GUCY1B1: variants seen among roughly 807,000 people sequenced by gnomAD.
The protein encoded by GUCY1B1 is guanylate cyclase soluble subunit beta-1.
GUCY1B1 carries 43 observed loss-of-function variants against 71.0 expected under a neutral mutation model. That is an observed-to-expected ratio of 0.61 (90% confidence interval 0.47 to 0.78). The LOEUF (loss-of-function observed/expected upper bound fraction) is 0.78, where lower values mean the gene tolerates loss of function less well. Ranked by LOEUF, GUCY1B1 falls within the 30% of genes least tolerant of loss-of-function variation. The pLI is 0.00. For missense variants in GUCY1B1, 535 were observed against 754.1 expected (o/e 0.71, Z 3.40); for synonymous variants, 266 against 259.7 (o/e 1.02, Z -0.23).
intron 2 of GUCY1B1, among the ~76,000 whole-genome samples, 197 bp downstream of exon 2, chr4:155,760,057 G>A (rs1346626775): frequency 6.6e-6 from 1 of 152,134 alleles, no homozygotes; most frequent in Non-Finnish European, 1.5e-5. Flanking sequence ...GGGCGGCTGG[G>A]GCGGGGCTGC....
intron 4 of GUCY1B1, among the ~76,000 whole-genome samples, chr4:155,784,610 C>T (rs1337185568): frequency 6.6e-6 from 1 of 152,132 alleles, no homozygotes; most frequent in African/African-American, 2.4e-5. Context: ...TTTGCAATGA[C>T]TGGTTTTAAA....
At chr4:155,784,504 A>T (rs1738636417) in intron 4 of GUCY1B1, among the ~76,000 whole-genome samples, 2 of 152,204 alleles carry the variant, frequency 1.3e-5, no homozygotes, top group Admixed American at 1.3e-4. Flanking sequence ...CTCTCATTAA[A>T]GAATGTTGGT....
chr4:155,791,608 A>G (rs1298241326), intron 5 of GUCY1B1, among the ~76,000 whole-genome samples: 4 of 150,956 alleles, frequency 2.6e-5, no homozygotes, highest in Non-Finnish European at 4.4e-5. Context: ...GCGGGCGCCT[A>G]TAATCCCAGC....
intron 4 of GUCY1B1, among the ~76,000 whole-genome samples, chr4:155,787,555 G>T (rs1362394679): frequency 1.3e-5 from 2 of 152,022 alleles, no homozygotes; most frequent in Non-Finnish European, 2.9e-5. Context: ...TTCCTCATTT[G>T]CTCATCAAAA....
Position 155,759,817 on chromosome 4 carries a change from C to T in GUCY1B1, c.34C>T (p.Leu12=). 6.2e-7 allele frequency: 1 copy of T among 1,613,070 alleles called. No homozygotes were observed. The highest frequency in any genetic ancestry group is 8.5e-7 in the Non-Finnish European group (1 of 1,179,374). ...YGFVNHALEL[L]VIRNYGPEVW... is the part of the protein sequence containing the mutation. The stretch of plus-strand genomic sequence containing the variant: ...ATTTGTGAATCACGCCCTGGAGTTG[C>T]TGGTGATCCGCAATTACGGCCCCGA... The change falls in exon 2 of 14, where the codon CTG becomes TTG. Residue 12 remains leucine (L), a synonymous_variant. Transcript: ENST00000264424.
At chr4:155,767,143 A>G (rs1307047045) in intron 2 of GUCY1B1, among the ~76,000 whole-genome samples, 1 of 152,180 alleles carries the variant, frequency 6.6e-6, no homozygotes, top group East Asian at 1.9e-4. Context: ...CTCCAAAGAG[A>G]AAGACCTATA....
intron 2 of GUCY1B1, among the ~76,000 whole-genome samples, chr4:155,764,463 A>C (rs1464961159): frequency 6.6e-6 from 1 of 152,234 alleles, no homozygotes; most frequent in Non-Finnish European, 1.5e-5. Context: ...CTGAAAAGTC[A>C]GAACTTCAGC....
intron 2 of GUCY1B1, among the ~76,000 whole-genome samples, chr4:155,768,013 G>A (rs1737455687): frequency 6.6e-6 from 1 of 152,072 alleles, no homozygotes. Context: ...TACAGCATGT[G>A]TTCTGATAAT....
intron 2 of GUCY1B1, among the ~76,000 whole-genome samples, chr4:155,761,224 A>G (rs1736977779): frequency 6.6e-6 from 1 of 152,232 alleles, no homozygotes; most frequent in Admixed American, 6.5e-5. Context: ...TCTTAATACC[A>G]TTATAATTTT....
At chr4:155,788,542 C>T (rs1445538879) in intron 4 of GUCY1B1, among the ~76,000 whole-genome samples, 1 of 152,212 alleles carries the variant, frequency 6.6e-6, no homozygotes, top group African/African-American at 2.4e-5. Context: ...ACTCAAGGTC[C>T]ATAACCCTCA....
At chr4:155,781,548 G>T (rs1738414492) in intron 4 of GUCY1B1, among the ~76,000 whole-genome samples, 1 of 151,674 alleles carries the variant, frequency 6.6e-6, no homozygotes, top group South Asian at 2.1e-4. Flanking sequence ...ATAGCTAGAA[G>T]TCCTAAATGG....
At chr4:155,791,448 C>T (rs1166755565) in intron 5 of GUCY1B1, among the ~76,000 whole-genome samples, 13 of 144,222 alleles carry the variant, frequency 9.0e-5, no homozygotes, top group Non-Finnish European at 2.0e-4. Flanking sequence ...CTAACAGTAT[C>T]GCCTGGGCGC....
chr4:155,786,765 G>C (rs972440638), intron 4 of GUCY1B1, among the ~76,000 whole-genome samples: 6 of 151,536 alleles, frequency 4.0e-5, no homozygotes, highest in Non-Finnish European at 7.4e-5. Context: ...GAGGCACCGC[G>C]CCTGGCCAAT....
intron 12 of GUCY1B1, 33 bp from the exon 13 acceptor site, chr4:155,805,070 T>C (rs1177522846): frequency 6.3e-7 from 1 of 1,591,842 alleles, no homozygotes; most frequent in Non-Finnish European, 8.6e-7. Flanking sequence ...TTGTGTATAC[T>C]TCTCTCTCTA....
At chr4:155,788,884 A>G (rs1029933731) in intron 4 of GUCY1B1, among the ~76,000 whole-genome samples, 2 of 152,118 alleles carry the variant, frequency 1.3e-5, no homozygotes, top group Non-Finnish European at 2.9e-5. Context: ...CCAACATGTT[A>G]TGAACTGAGT....
chr4:155,763,943 A>C (rs1737166753), intron 2 of GUCY1B1, among the ~76,000 whole-genome samples: 1 of 152,104 alleles, frequency 6.6e-6, no homozygotes, highest in Admixed American at 6.5e-5. Flanking sequence ...CCGTTCCCCA[A>C]TTTACTTGAA....
chr4:155,787,704 T>A (rs2111096112), intron 4 of GUCY1B1, among the ~76,000 whole-genome samples: 1 of 152,322 alleles, frequency 6.6e-6, no homozygotes, highest in Non-Finnish European at 1.5e-5. Context: ...AATAACATTA[T>A]AGAGTGAATG....
chr4:155,760,855 T>C (rs908577746), intron 2 of GUCY1B1, among the ~76,000 whole-genome samples: 4 of 152,344 alleles, frequency 2.6e-5, no homozygotes, highest in Admixed American at 1.3e-4. Context: ...TACTTAGTGA[T>C]TTCATTTTGT....
intron 4 of GUCY1B1, among the ~76,000 whole-genome samples, chr4:155,778,665 G>T (rs530181335): frequency 6.6e-6 from 1 of 152,264 alleles, no homozygotes; most frequent in South Asian, 2.1e-4. Context: ...CTCCTGCCAT[G>T]GATTTACTAA....
Sources: allele counts gnomAD v4.1 joint callset (sites outside exome capture counted in the v4.1 genomes callset), GRCh38; gene constraint gnomAD v4.1.1; transcripts MANE v1.5; gene names NCBI Gene and HGNC (gene_info 2026-07-23, HGNC 2026-07-21).